Variants in DDC observed in about 807,000 individuals in gnomAD.
DDC encodes dopa decarboxylase.
A neutral mutation model predicts 60.0 loss-of-function variants in DDC; 43 were observed. That is an observed-to-expected ratio of 0.72 (90% CI 0.56 to 0.92). The LOEUF (loss-of-function observed/expected upper bound fraction) is 0.92. DDC is among the 40% of genes least tolerant of loss of function. The pLI is 0.00. For missense variants in DDC, 573 were observed against 620.2 expected (o/e 0.92, Z 0.81); for synonymous variants, 232 against 234.6 (o/e 0.99, Z 0.10).
intron 6 of DDC, among the ~76,000 whole-genome samples, chr7:50,518,451 A>G (rs1585219468): frequency 6.6e-6 from 1 of 152,216 alleles, no homozygotes; most frequent in East Asian, 1.9e-4. Context: ...AGCAAAAAGA[A>G]CAAATCTGGA....
chr7:50,477,402 T>C (rs1562988392), intron 10 of DDC, among the ~76,000 whole-genome samples: 3 of 152,214 alleles, frequency 2.0e-5, no homozygotes, highest in Admixed American at 1.3e-4. Context: ...TCTTGTGCTC[T>C]GGGAGTAGAT....
intron 6 of DDC, among the ~76,000 whole-genome samples, chr7:50,504,583 A>G (rs2043341637): frequency 6.6e-6 from 1 of 151,332 alleles, no homozygotes; most frequent in Non-Finnish European, 1.5e-5. Context: ...ACAAGTGTAT[A>G]TATTTTATTT....
chr7:50,534,282 C>T (rs2044315190), intron 4 of DDC, among the ~76,000 whole-genome samples: 1 of 152,172 alleles, frequency 6.6e-6, no homozygotes, highest in South Asian at 2.1e-4. Flanking sequence ...AGAAGGCCTG[C>T]TCCTTTTCCC....
chr7:50,541,735 T>C (rs993287814), intron 2 of DDC, among the ~76,000 whole-genome samples: 25 of 152,214 alleles, frequency 1.6e-4, no homozygotes, highest in East Asian at 1.9e-4. Context: ...TCCTTTGATA[T>C]AGCAGTCCAA....
chr7:50,502,329 G>A (rs1324094871), intron 7 of DDC, among the ~76,000 whole-genome samples: 1 of 152,178 alleles, frequency 6.6e-6, no homozygotes, highest in Non-Finnish European at 1.5e-5. Flanking sequence ...GACACACGCT[G>A]GCTGTCATCT....
chr7:50,516,426 G>A (rs1250864980), intron 6 of DDC, among the ~76,000 whole-genome samples: 1 of 151,998 alleles, frequency 6.6e-6, no homozygotes, highest in Non-Finnish European at 1.5e-5. Flanking sequence ...TACAGCAAAG[G>A]GGATGCTAAG....
rs529139585 is a variant in DDC at position 50,511,761 on chromosome 7, T to C, written c.715-7702A>G. Among the ~76,000 whole-genome samples the C allele has an allele frequency of 2.3e-4, 35 of 152,010 alleles. No homozygotes were observed. In the South Asian group the frequency reaches 3.3e-3, roughly 14 times the overall value. ...AAAAAAGAAAAAGAAAAAAAATTGA[T>C]TCACATACTAAGAGAGAAGAAAAGA... On this transcript the variant is annotated intron_variant, in intron 6 of 14. Transcript: ENST00000444124.
intron 1 of DDC, among the ~76,000 whole-genome samples, chr7:50,564,886 G>C (rs1157476894): frequency 1.3e-5 from 2 of 152,182 alleles, no homozygotes; most frequent in Non-Finnish European, 2.9e-5. Context: ...AAAATCATGG[G>C]ATTTAATCCT....
At chr7:50,476,875 A>G (rs1429718684) in intron 10 of DDC, among the ~76,000 whole-genome samples, 5 of 152,186 alleles carry the variant, frequency 3.3e-5, no homozygotes, top group Non-Finnish European at 2.9e-5. Context: ...TACACTCTCA[A>G]TAGACCCCCA....
chr7:50,484,923 A>G (rs892030815), intron 9 of DDC, among the ~76,000 whole-genome samples: 1 of 152,232 alleles, frequency 6.6e-6, no homozygotes, highest in African/African-American at 2.4e-5. Context: ...ATTCAAGATA[A>G]TAAAGGGTTC....
intron 4 of DDC, among the ~76,000 whole-genome samples, chr7:50,531,314 T>C (rs1432450397): frequency 1.3e-5 from 2 of 152,268 alleles, no homozygotes; most frequent in East Asian, 3.9e-4. Context: ...CCTGATTTCC[T>C]CCTGTCCCCC....
intron 6 of DDC, among the ~76,000 whole-genome samples, chr7:50,510,673 A>AG (rs1471243317): frequency 2.0e-5 from 3 of 149,688 alleles, no homozygotes; most frequent in African/African-American, 7.4e-5. Flanking sequence ...CATCTCAAAA[A>AG]AAAAAAAAAA....
chr7:50,459,147 CG>C (rs1308727593), intron 14 of DDC, among the ~76,000 whole-genome samples: 1 of 152,244 alleles, frequency 6.6e-6, no homozygotes, highest in Non-Finnish European at 1.5e-5. Flanking sequence ...TTGGTGGAGA[CG>C]GGGTTTCGCT....
At chr7:50,465,680 A>T (rs2042379611) in intron 13 of DDC, among the ~76,000 whole-genome samples, 1 of 152,240 alleles carries the variant, frequency 6.6e-6, no homozygotes, top group Non-Finnish European at 1.5e-5. Flanking sequence ...CCCAAATGTT[A>T]ACTTTAAATG....
intron 10 of DDC, among the ~76,000 whole-genome samples, chr7:50,479,157 G>A (rs1049247196): frequency 2.6e-5 from 4 of 152,214 alleles, no homozygotes; most frequent in Non-Finnish European, 5.9e-5. Flanking sequence ...ATTCCGTGCT[G>A]TGGCCCCAGA....
chr7:50,548,635 G>A (rs923853576), intron 1 of DDC, among the ~76,000 whole-genome samples: 1 of 152,176 alleles, frequency 6.6e-6, no homozygotes, highest in Non-Finnish European at 1.5e-5. Flanking sequence ...TGTTCATGAG[G>A]TTTATGGAAA....
At chr7:50,501,643 C>T (rs1376523) in intron 7 of DDC, among the ~76,000 whole-genome samples, 10,826 of 152,210 alleles carry the variant, frequency 0.071, 589 homozygotes, top group African/African-American at 0.15. Flanking sequence ...GATCTCAGAA[C>T]AGTCCCGCTT....
At position 50,496,896 on chromosome 7, in the gene DDC, A is replaced by AC. The variant is rs2043139233; in HGVS notation, c.877-1480_877-1479insG. ...GGGAGGCATTTGGTTGGTGGATGAC[A>AC]ACTTTCCACTGCTCTGGAGACCCAG... On this transcript the variant is annotated intron_variant, in intron 8 of 14. Transcript: ENST00000444124. Among the ~76,000 whole-genome samples, 3 of 152,232 alleles carry AC rather than the reference A, an allele frequency of 2.0e-5. No homozygotes were observed. The South Asian group carries it at 6.2e-4, about 31-fold the overall frequency.
chr7:50,501,944 T>C (rs933110251), intron 7 of DDC, among the ~76,000 whole-genome samples: 5 of 152,140 alleles, frequency 3.3e-5, no homozygotes, highest in African/African-American at 1.2e-4. Flanking sequence ...CATGATGGCA[T>C]GTGCCTGTGA....
Sources: gnomAD v4.1 joint callset for allele counts (sites outside exome capture counted in the v4.1 genomes callset) on GRCh38, gnomAD v4.1.1 for gene constraint, MANE v1.5 for transcripts, NCBI Gene and HGNC (gene_info 2026-07-23, HGNC 2026-07-21) for gene names.